The following AP2A1 variants were observed in gnomAD, a reference collection of about 807,000 sequenced individuals.
The protein encoded by AP2A1 is adaptor related protein complex 2 subunit alpha 1.
AP2A1 carries 21 observed loss-of-function variants against 107.3 expected under a neutral mutation model. The ratio of observed to expected loss-of-function variants is 0.20; its 90% CI spans 0.14 to 0.28. The LOEUF (loss-of-function observed/expected upper bound fraction) is 0.28. AP2A1 is among the 10% of genes least tolerant of loss of function. The probability of loss-of-function intolerance (pLI) is 1.00; values close to 1 mark genes in which losing one functional copy is unlikely to be tolerated. For synonymous variants in AP2A1, 602 were observed against 564.8 expected (o/e 1.07, Z -0.93); for missense variants, 873 against 1,307.7 (o/e 0.67, Z 5.13).
At chr19:49,797,861 G>A (rs551331333) in intron 7 of AP2A1, among the ~76,000 whole-genome samples, 48 of 152,252 alleles carry the variant, frequency 3.2e-4, no homozygotes, top group South Asian at 8.3e-4. Context: ...CAGAAGGATC[G>A]CTTGAGCCCA....
At chr19:49,771,669 A>G (rs1164389384) in intron 1 of AP2A1, among the ~76,000 whole-genome samples, 5 of 152,038 alleles carry the variant, frequency 3.3e-5, no homozygotes, top group Admixed American at 2.6e-4. Flanking sequence ...TCAGCCTCAC[A>G]AAATGCTGAG....
chr19:49,784,409 G>A (rs1189464655), intron 4 of AP2A1, among the ~76,000 whole-genome samples: 6 of 151,544 alleles, frequency 4.0e-5, no homozygotes, highest in African/African-American at 1.5e-4. Flanking sequence ...TCTAGCCTGG[G>A]TGACAGAGCA....
At chr19:49,768,667 G>A (rs10404868) in intron 1 of AP2A1, among the ~76,000 whole-genome samples, 1 of 151,894 alleles carries the variant, frequency 6.6e-6, no homozygotes, top group African/African-American at 2.4e-5. Flanking sequence ...GTATCAGTTG[G>A]AGGAGAAATG....
At chr19:49,804,585 C>G (rs1218338416) in intron 18 of AP2A1, 1 of 151,924 alleles carries the variant, frequency 6.6e-6, no homozygotes, top group Non-Finnish European at 1.5e-5. Context: ...TCCAGAGGCT[C>G]GTGCAGGCAG....
intron 1 of AP2A1, among the ~76,000 whole-genome samples, chr19:49,769,551 G>A (rs999914069): frequency 2.0e-5 from 3 of 152,076 alleles, no homozygotes; most frequent in Admixed American, 6.6e-5. Flanking sequence ...ACATGTGTTC[G>A]AGCGAGAGGG....
rs2084725638 is a variant in AP2A1, at chr19:49,785,472, A to C, written c.473+2748A>C. ...AAGGCCATAGGAAAATGGGTCAGAG[A>C]GGGCAGAACCTGAGTGTGGTTTGGT... On this transcript the variant is annotated intron_variant, in intron 4 of 22. Transcript: ENST00000354293. This position sits in a 1 kb window ranked among gnomAD's most constrained non-coding sequence, Gnocchi z 4.1. 6.6e-6 allele frequency among the ~76,000 whole-genome samples: 1 copy of C among 152,140 alleles called. No homozygotes were observed. The highest frequency in any genetic ancestry group is 1.5e-5 in the Non-Finnish European group (1 of 68,014).
intron 4 of AP2A1, among the ~76,000 whole-genome samples, chr19:49,791,416 A>G (rs2123719029): frequency 6.6e-6 from 1 of 151,856 alleles, no homozygotes; most frequent in South Asian, 2.1e-4. Context: ...TTTTGAAGAG[A>G]CTGGGTCTCA....
At position 49,767,117 on chromosome 19, in the gene AP2A1, C is replaced by T. The variant is rs2084510461; in HGVS notation, c.-17C>T. 1 of 1,610,262 alleles carries T rather than the reference C, an allele frequency of 6.2e-7. No individual in the cohort carries two copies. Among genetic ancestry groups the T allele is most frequent in the Non-Finnish European group, 8.5e-7 (1 of 1,179,468 alleles). ...GTGCCCTGTCCGGCCAGGCCTGGAG[C>T]CGACACCACCGCCATCATGCCGGCC... On this transcript the variant is annotated 5_prime_UTR_variant, in exon 1 of 23. Coordinates refer to ENST00000354293, the MANE Select transcript of AP2A1 (RefSeq NM_130787.3).
intron 4 of AP2A1, among the ~76,000 whole-genome samples, chr19:49,783,915 G>A (rs534925378): frequency 6.6e-5 from 10 of 152,222 alleles, no homozygotes; most frequent in Non-Finnish European, 1.5e-4. Context: ...CCCTATCTGG[G>A]TAGTCCAAAA....
intron 3 of AP2A1, 62 bp from the exon 4 acceptor site, chr19:49,782,469 G>T: frequency 6.5e-7 from 1 of 1,537,344 alleles, no homozygotes; most frequent in Non-Finnish European, 8.8e-7. Flanking sequence ...TGGGTCTGAG[G>T]GTTGGATCTG....
intron 4 of AP2A1, 22 bp from the exon 5 acceptor site, chr19:49,791,913 G>T (rs780082296): frequency 2.2e-5 from 35 of 1,592,066 alleles, no homozygotes; most frequent in Non-Finnish European, 2.8e-5. Flanking sequence ...TGCTTCCCCT[G>T]CCCTGCATGG....
chr19:49,802,345 C>A, intron 15 of AP2A1: 1 of 845,548 alleles, frequency 1.2e-6, no homozygotes, highest in Non-Finnish European at 1.9e-6. Context: ...TGGACTCCGC[C>A]GACCCTGGCC....
At position 49,805,590 on chromosome 19, in the gene AP2A1, G is replaced by C. The variant is rs775554842; in HGVS notation, c.2468+14G>C. 1 of 1,565,268 alleles carries C rather than the reference G, an allele frequency of 6.4e-7. No homozygotes were observed. The highest frequency in any genetic ancestry group is 1.9e-5 in the Admixed American group (1 of 52,918). ...CGTGCGCTTCCGGTGAGTCAGGTAC[G>C]GCGCGGCCGGTGGGCGGAGCCTCCG... On this transcript the variant is annotated intron_variant, in intron 19 of 22. Transcript: ENST00000354293.
chr19:49,775,218 A>G (rs1312669162), intron 1 of AP2A1, among the ~76,000 whole-genome samples: 1 of 152,120 alleles, frequency 6.6e-6, no homozygotes, highest in Non-Finnish European at 1.5e-5. Flanking sequence ...ATACAGCAAG[A>G]CCCTGTCTCC....
At chr19:49,787,638 T>G (rs974787479) in intron 4 of AP2A1, among the ~76,000 whole-genome samples, 1 of 151,734 alleles carries the variant, frequency 6.6e-6, no homozygotes, top group African/African-American at 2.4e-5. Flanking sequence ...CGTGAGCCTC[T>G]GCGCCCGGTC....
chr19:49,792,866 G>A, intron 5 of AP2A1, 125 bp from the exon 6 acceptor site: 2 of 832,666 alleles, frequency 2.4e-6, no homozygotes, highest in Non-Finnish European at 1.9e-6. Context: ...AGTGACACAT[G>A]TGCACACCCC....
intron 6 of AP2A1, 48 bp from the exon 7 acceptor site, chr19:49,795,582 G>GCCCCACCCC: frequency 1.4e-6 from 1 of 692,054 alleles, no homozygotes; most frequent in Non-Finnish European, 2.7e-6. Flanking sequence ...GGACCCACGT[G>GCCCCACCCC]CCCCTCCCAC....
chr19:49,800,754 A>G, intron 11 of AP2A1: 2 of 504,236 alleles, frequency 4.0e-6, no homozygotes, highest in Non-Finnish European at 7.0e-6. Flanking sequence ...TACAGGCATG[A>G]GCCACTGCTT....
intron 4 of AP2A1, among the ~76,000 whole-genome samples, chr19:49,786,897 A>AG (rs1226009650): frequency 6.6e-6 from 1 of 152,180 alleles, no homozygotes; most frequent in African/African-American, 2.4e-5. Context: ...GCCAGGGTCA[A>AG]GGGGCCAGGG....
Sources: allele counts gnomAD v4.1 joint callset (sites outside exome capture counted in the v4.1 genomes callset), GRCh38; gene constraint gnomAD v4.1.1; non-coding constraint Gnocchi (gnomAD v3.1); transcripts MANE v1.5; gene names NCBI Gene and HGNC (gene_info 2026-07-23, HGNC 2026-07-21).